The following MSLN variants were observed in gnomAD, a reference collection of about 807,000 sequenced individuals.
The protein encoded by MSLN is mesothelin, also known as CAK1 antigen.
Under a neutral mutation model 72.6 loss-of-function variants are expected in MSLN, and 82 were observed. That is an observed-to-expected ratio of 1.13 (90% CI 0.94 to 1.36). The LOEUF is 1.36. Ranked by LOEUF, MSLN falls within the 40% of genes most tolerant of loss-of-function variation. The pLI, the probability that MSLN is intolerant of heterozygous loss-of-function variation, is 0.00. For missense variants in MSLN, 1,005 were observed against 847.9 expected, an observed-to-expected ratio of 1.19 and a Z score of -2.30; for synonymous variants, 456 against 387.3, an observed-to-expected ratio of 1.18 and a Z score of -2.08.
At chr16:766,626 A>G (rs368543860) in intron 13 of MSLN, 42 bp from the exon 14 acceptor site, 285 of 1,611,412 alleles carry the variant, frequency 1.8e-4, no homozygotes, top group Non-Finnish European at 2.3e-4. Context: ...GGAGGGATAC[A>G]TCTCTCCTTG....
rs1315038403 is a variant in MSLN at position 764,686 on chromosome 16, G to T, written c.340G>T (p.Asp114Tyr). 6.2e-7 allele frequency: 1 copy of T among 1,612,402 alleles called. No homozygotes were observed. Among genetic ancestry groups the T allele is most frequent in the Non-Finnish European group, 8.5e-7 (1 of 1,179,864 alleles). The stretch of plus-strand genomic sequence containing the variant: ...TCACCGGCTCTCTGAGCCCCCCGAG[G>T]ACCTGGACGCCCTCCCATTGGACCT... ...LAHRLSEPPE[D>Y]LDALPLDLLL... Residue 114 changes from aspartate (D) to tyrosine (Y), a missense_variant, in exon 7 of 18, where the codon GAC (aspartate) becomes TAC (tyrosine). Coordinates refer to ENST00000545450, the MANE Select transcript of MSLN (RefSeq NM_005823.6).
chr16:768,471 C>T lies in MSLN; in HGVS notation c.1689C>T (p.Ile563=). ...GGCACCGCCCGGTGCGGGACTGGAT[C>T]CTACGGCAGCGGCAGGACGACCTGG... ...EERHRPVRDW[I]LRQRQDDLDT... is the part of the protein sequence containing the mutation. The change falls in exon 17 of 18, where the codon ATC becomes ATT. Residue 563 remains isoleucine (I), a synonymous_variant. Transcript: ENST00000545450. 2 of 1,567,876 alleles carry T rather than the reference C, an allele frequency of 1.3e-6. No individual in the cohort carries two copies. The highest frequency in any genetic ancestry group is 1.7e-6 in the Non-Finnish European group (2 of 1,154,222).
chr16:762,699 C>G lies in MSLN; in HGVS notation c.19C>G (p.Arg7Gly), dbSNP rs979277897. Residue 7 changes from arginine (R) to glycine (G), a missense_variant, in exon 3 of 18, where the codon CGA (arginine) becomes GGA (glycine). Physicochemically the swap from Arg to Gly is moderately radical, Grantham distance 125. Coordinates refer to ENST00000545450, the MANE Select transcript of MSLN (RefSeq NM_005823.6). MALPTA[R>G]PLLGSCGTPA... Reference sequence around the variant, plus strand: ...ACAGACCATGGCCTTGCCAACGGCTCGACCCCTGTTGGGGTCCTGTGGGAC... The same window carrying G: ...ACAGACCATGGCCTTGCCAACGGCTGGACCCCTGTTGGGGTCCTGTGGGAC... The G allele has an allele frequency of 6.2e-7, 1 of 1,611,574 alleles. No homozygotes were observed. The highest frequency in any genetic ancestry group is 2.2e-5 in the East Asian group (1 of 44,784).
chr16:764,894 C>A lies in MSLN; in HGVS notation c.381-13C>A, dbSNP rs371496729. On this transcript the variant is annotated splice_polypyrimidine_tract_variant and intron_variant, in intron 7 of 17. Coordinates refer to ENST00000545450, the MANE Select transcript of MSLN (RefSeq NM_005823.6). ...GATCAGTGCGGCCTGTCCCCAGCAC[C>A]CTCTCTTCACAGCCCAGATGCGTTC... 1 of 1,610,108 alleles carries A rather than the reference C, an allele frequency of 6.2e-7. No individual in the cohort carries two copies. The highest frequency in any genetic ancestry group is 1.1e-5 in the South Asian group (1 of 90,636).
intron 6 of MSLN, 109 bp downstream of exon 6, chr16:764,252 A>G (rs2041574388): frequency 1.4e-6 from 2 of 1,413,892 alleles, no homozygotes; most frequent in East Asian, 2.5e-5. Flanking sequence ...CCCTGCTGCC[A>G]TCTCTCCCCG....
At position 765,280 on chromosome 16, in the gene MSLN, G is replaced by A. The variant is rs1366167764; in HGVS notation, c.681G>A (p.Leu227=). 1.9e-6 allele frequency: 3 copies of A among 1,581,748 alleles called. No individual in the cohort carries two copies. Among genetic ancestry groups the A allele is most frequent in the Admixed American group, 1.7e-5 (1 of 57,552 alleles). ...QDQQEAARAA[L]QGGGPPYGPP... ...AGCAGGAGGCAGCCAGGGCGGCTCT[G>A]CAGGGCGGGGGACCCCCCTACGGGT... The change falls in exon 9 of 18, where the codon CTG becomes CTA. Residue 227 remains leucine (L), a synonymous_variant. Transcript: ENST00000545450.
At chr16:767,284 C>G (rs148555821) in intron 15 of MSLN, 92 bp from the exon 16 acceptor site, 1 of 1,261,282 alleles carries the variant, frequency 7.9e-7, no homozygotes, top group Admixed American at 1.7e-5. Context: ...AAAGGGAAGC[C>G]CTGTAAGGCA....
At position 765,800 on chromosome 16, in the gene MSLN, G is replaced by A. The variant is rs201633877; in HGVS notation, c.895+10G>A. On this transcript the variant is annotated intron_variant, in intron 11 of 17. Coordinates refer to ENST00000545450, the MANE Select transcript of MSLN (RefSeq NM_005823.6). ...CGGCGGGAAGTGGAGAGTGAGTGCCGTGCCCTGCGCAGTCTGGCACCAGGC... is the reference window on the plus strand; with the variant it reads ...CGGCGGGAAGTGGAGAGTGAGTGCCATGCCCTGCGCAGTCTGGCACCAGGC... The A allele has an allele frequency of 1.7e-5, 27 of 1,595,746 alleles. No individual in the cohort carries two copies. In the East Asian group the frequency reaches 2.5e-4, roughly 15 times the overall value.
chr16:768,311 C>A, intron 16 of MSLN, 68 bp from the exon 17 acceptor site: 1 of 1,448,862 alleles, frequency 6.9e-7, no homozygotes, highest in Non-Finnish European at 9.1e-7. Flanking sequence ...CACAGGAGAG[C>A]CTGGCAGCCC....
At chr16:761,595 C>CT (rs2041537533) in intron 2 of MSLN, among the ~76,000 whole-genome samples, 1 of 151,742 alleles carries the variant, frequency 6.6e-6, no homozygotes, top group African/African-American at 2.4e-5. Flanking sequence ...ACCCCAAGGG[C>CT]TGGGGGTCCC....
At chr16:761,324 A>C (rs554726109) in intron 2 of MSLN, 150 bp downstream of exon 2, 1 of 152,446 alleles carries the variant, frequency 6.6e-6, no homozygotes, top group African/African-American at 2.4e-5. Flanking sequence ...CGCAGGGCAC[A>C]CGCAGACCCA....
At chr16:764,237 T>G in intron 6 of MSLN, 94 bp downstream of exon 6, 1 of 1,468,792 alleles carries the variant, frequency 6.8e-7, no homozygotes. Context: ...CACGGTCCCC[T>G]CTGTCCCTGC....
chr16:766,020 C>T lies in MSLN; in HGVS notation c.896-39C>T, dbSNP rs199888017. 8.6e-5 allele frequency: 134 copies of T among 1,552,254 alleles called. No individual in the cohort carries two copies. In the East Asian group the frequency reaches 1.7e-3, roughly 20 times the overall value. ...GGTGTGGGAGGAAGAAGGGGTCAAACGAACTCCGGCCCTGACCCCTGACCC... is the reference window on the plus strand; with the variant it reads ...GGTGTGGGAGGAAGAAGGGGTCAAATGAACTCCGGCCCTGACCCCTGACCC... On this transcript the variant is annotated intron_variant, in intron 11 of 17. Coordinates refer to ENST00000545450, the MANE Select transcript of MSLN (RefSeq NM_005823.6).
chr16:764,920 T>C lies in MSLN; in HGVS notation c.394T>C (p.Ser132Pro). The C allele has an allele frequency of 1.9e-6, 3 of 1,611,960 alleles. No homozygotes were observed. The highest frequency in any genetic ancestry group is 2.2e-5 in the East Asian group (1 of 44,866). ...LLLFLNPDAF[S>P]GPQACTRFFS... ...CTCTCTTCACAGCCCAGATGCGTTC[T>C]CGGGGCCCCAGGCCTGCACCCGTTT... The change falls in exon 8 of 18, where the codon TCG (serine) becomes CCG (proline). Residue 132 changes from serine (S) to proline (P), a missense_variant. Coordinates refer to ENST00000545450, the MANE Select transcript of MSLN (RefSeq NM_005823.6).
intron 3 of MSLN, 109 bp from the exon 4 acceptor site, chr16:763,124 C>T: frequency 1.4e-6 from 1 of 709,286 alleles, no homozygotes; most frequent in Non-Finnish European, 2.4e-6. Context: ...TTGGGGTGTG[C>T]ACAGGGCTGG....
Position 766,093 on chromosome 16 carries a change from G to A in MSLN, c.930G>A (p.Glu310=). The A allele has an allele frequency of 1.2e-6, 2 of 1,612,450 alleles. No individual in the cohort carries two copies. The highest frequency in any genetic ancestry group is 1.1e-5 in the South Asian group (1 of 91,074). Residue 310 remains glutamate, a synonymous_variant, in exon 12 of 18, where the codon GAG becomes GAA. Transcript: ENST00000545450. ...TACPSGKKAR[E]IDESLIFYKK... is the part of the protein sequence containing the mutation. ...GTCCTTCAGGCAAGAAGGCCCGCGA[G>A]ATAGACGAGAGCCTCATCTTCTACA...
At position 768,669 on chromosome 16, in the gene MSLN, G is replaced by A; in HGVS notation, c.1805G>A (p.Cys602Tyr). The change falls in exon 18 of 18, where the codon TGC becomes TAC. Residue 602 changes from cysteine to tyrosine, a missense_variant. Cys to Tyr is a radical substitution (Grantham distance 194). Coordinates refer to ENST00000545450, the MANE Select transcript of MSLN (RefSeq NM_005823.6). ...SMQEALSGTP[C>Y]LLGPGPVLTV... ...GTAGAGGCCCTCTCGGGGACGCCCT[G>A]CCTCCTAGGACCTGGACCTGTTCTC... The A allele has an allele frequency of 6.2e-7, 1 of 1,610,928 alleles. No individual in the cohort carries two copies. The highest frequency in any genetic ancestry group is 1.1e-5 in the South Asian group (1 of 91,078).
rs771986406 is a variant in MSLN at position 768,609 on chromosome 16, C to T, written c.1784-39C>T. 6.8e-6 allele frequency: 11 copies of T among 1,610,012 alleles called. No homozygotes were observed. The East Asian group carries it at 1.3e-4, about 20-fold the overall frequency. ...CCAGGGCTGGGGGCAGAGCTGGGGGCGTGGAGGTGGGCGCTCTGAGTCACC... is the reference window on the plus strand; with the variant it reads ...CCAGGGCTGGGGGCAGAGCTGGGGGTGTGGAGGTGGGCGCTCTGAGTCACC... On this transcript the variant is annotated intron_variant, in intron 17 of 17. Coordinates refer to ENST00000545450, the MANE Select transcript of MSLN (RefSeq NM_005823.6).
At chr16:765,439 C>T in intron 9 of MSLN, 88 bp from the exon 10 acceptor site, 1 of 1,435,506 alleles carries the variant, frequency 7.0e-7, no homozygotes, top group South Asian at 1.3e-5. Flanking sequence ...CCCAGCGTCC[C>T]CTCCACAGCC....
Sources: gnomAD v4.1 joint callset for allele counts (sites outside exome capture counted in the v4.1 genomes callset) on GRCh38, gnomAD v4.1.1 for gene constraint, MANE v1.5 for transcripts, NCBI Gene and HGNC (gene_info 2026-07-23, HGNC 2026-07-21) for gene names.